YBX1: variants seen among roughly 807,000 people sequenced by gnomAD.
The protein encoded by YBX1 is Y-box binding protein 1.
A neutral mutation model predicts 41.4 loss-of-function variants in YBX1; 3 were observed. That is an observed-to-expected ratio of 0.07 (90% CI 0.03 to 0.19). The LOEUF (loss-of-function observed/expected upper bound fraction) is 0.19. YBX1 is among the 10% of genes least tolerant of loss of function. The probability of loss-of-function intolerance (pLI) is 1.00; values close to 1 mark genes in which losing one functional copy is unlikely to be tolerated. For missense variants in YBX1, 274 were observed against 462.8 expected (o/e 0.59, Z 3.74); for synonymous variants, 133 against 165.8 (o/e 0.80, Z 1.52).
intron 2 of YBX1, 112 bp from the exon 3 acceptor site, chr1:42,693,378 C>A: frequency 7.8e-7 from 1 of 1,277,278 alleles, no homozygotes; most frequent in Non-Finnish European, 1.1e-6. Context: ...TTGATTTTTG[C>A]CAAATTTCCT....
At chr1:42,690,894 T>G (rs529184525) in intron 2 of YBX1, among the ~76,000 whole-genome samples, 74 of 152,326 alleles carry the variant, frequency 4.9e-4, no homozygotes, top group African/African-American at 1.7e-3. Flanking sequence ...GAGCTAGAGC[T>G]TACATTCACT....
At chr1:42,701,083 C>G (rs577581034) in intron 7 of YBX1, 37 bp downstream of exon 7, 2 of 1,507,194 alleles carry the variant, frequency 1.3e-6, no homozygotes, top group African/African-American at 2.8e-5. Context: ...TTATGGCAGT[C>G]GTGAGTGGTG....
chr1:42,697,349 T>G (rs370309786), intron 6 of YBX1, 87 bp downstream of exon 6: 14 of 1,319,228 alleles, frequency 1.1e-5, no homozygotes, highest in East Asian at 2.4e-5. Flanking sequence ...TGCAGACTCA[T>G]TTTTCTGTTA....
At position 42,703,031 on chromosome 1, in the gene YBX1, T is replaced by G. The variant is rs370602278; in HGVS notation, c.*1082T>G. On this transcript the variant is annotated 3_prime_UTR_variant, in exon 8 of 8. Coordinates refer to ENST00000321358, the MANE Select transcript of YBX1 (RefSeq NM_004559.5). ...AACCTCCACCTCTAGGTTTAAGCGA[T>G]TCTCCTGCCTCGGCCACCTTAGTAG... is the stretch of plus-strand genomic sequence containing the variant. 1.2e-3 allele frequency among the ~76,000 whole-genome samples: 177 copies of G among 152,248 alleles called. 2 individuals carry two copies. The highest frequency in any genetic ancestry group is 3.7e-3 in the African/African-American group (153 of 41,540).
intron 3 of YBX1, among the ~76,000 whole-genome samples, chr1:42,695,029 TG>T (rs1650426703): frequency 1.3e-5 from 2 of 152,244 alleles, no homozygotes; most frequent in African/African-American, 4.8e-5. Flanking sequence ...TGGCTATATC[TG>T]AAAGGTATGA....
At chr1:42,688,264 G>T (rs12403594) in intron 2 of YBX1, among the ~76,000 whole-genome samples, 16,789 of 152,118 alleles carry the variant, frequency 0.11, 987 homozygotes, top group East Asian at 0.19. Flanking sequence ...TTGGAAAAAT[G>T]TTTGGAGATT....
At position 42,697,257 on chromosome 1, in the gene YBX1, C is replaced by T. The variant is rs1344500059; in HGVS notation, c.735C>T (p.Phe245=). 6.2e-7 allele frequency: 1 copy of T among 1,613,672 alleles called. No homozygotes were observed. The highest frequency in any genetic ancestry group is 2.2e-5 in the East Asian group (1 of 44,884). The change falls in exon 6 of 8, where the codon TTC becomes TTT. Residue 245 remains phenylalanine (F), a synonymous_variant. Transcript: ENST00000321358. ...QNMYRGYRPR[F]RRGPPRQRQP... ...TGTATCGGGGATATAGACCACGATTCCGCAGGTATGGTCCACGTAAACATG... is the reference window on the plus strand; with the variant it reads ...TGTATCGGGGATATAGACCACGATTTCGCAGGTATGGTCCACGTAAACATG...
chr1:42,701,499 TTAATA>T (rs1460637638), intron 7 of YBX1, among the ~76,000 whole-genome samples: 3 of 152,110 alleles, frequency 2.0e-5, no homozygotes, highest in African/African-American at 4.8e-5. Flanking sequence ...AGTGGCAACA[TTAATA>T]TAATCTTTTA....
intron 2 of YBX1, among the ~76,000 whole-genome samples, chr1:42,693,196 A>C (rs988744508): frequency 2.0e-5 from 3 of 151,944 alleles, no homozygotes; most frequent in Admixed American, 1.3e-4. Flanking sequence ...TAGGATAAGG[A>C]GGGGCAGAAT....
intron 2 of YBX1, among the ~76,000 whole-genome samples, chr1:42,690,936 C>G (rs1650314306): frequency 6.6e-6 from 1 of 152,158 alleles, no homozygotes; most frequent in Non-Finnish European, 1.5e-5. Flanking sequence ...GTGTTAATTT[C>G]CCAGCAAACA....
rs1650477546 is a variant in YBX1, at chr1:42,696,986, T to A, written c.657+42T>A. On this transcript the variant is annotated intron_variant, in intron 5 of 7. Transcript: ENST00000321358. This position sits in a 1 kb window ranked among gnomAD's most constrained non-coding sequence, Gnocchi z 5.7. ...ACAACAGCAATGTGATAAGTTCTGGTAGGACTGTTTAGAGCTGTTAATTAT... is the reference window on the plus strand; with the variant it reads ...ACAACAGCAATGTGATAAGTTCTGGAAGGACTGTTTAGAGCTGTTAATTAT... 1 of 1,517,268 alleles carries A rather than the reference T, an allele frequency of 6.6e-7. No homozygotes were observed. Among genetic ancestry groups the A allele is most frequent in the Non-Finnish European group, 8.8e-7 (1 of 1,133,894 alleles). 94.0% of individuals were successfully genotyped at this position (1,517,268 alleles called of 1,614,324 possible). A position where few individuals can be genotyped will look rare whatever the true frequency, so the allele number is the denominator to read the frequency against.
intron 6 of YBX1, among the ~76,000 whole-genome samples, chr1:42,698,050 C>G (rs1429132340): frequency 6.6e-6 from 1 of 152,190 alleles, no homozygotes; most frequent in African/African-American, 2.4e-5. Flanking sequence ...CTTAACTGAT[C>G]ACTTAAATCG....
chr1:42,684,581 CAG>C (rs1165582375), intron 2 of YBX1, among the ~76,000 whole-genome samples: 4 of 152,176 alleles, frequency 2.6e-5, no homozygotes, highest in Non-Finnish European at 4.4e-5. Context: ...TGGAAACACT[CAG>C]AGTAAGAGAT....
chr1:42,687,501 C>G (rs1272672711), intron 2 of YBX1, among the ~76,000 whole-genome samples: 5 of 152,132 alleles, frequency 3.3e-5, no homozygotes, highest in Non-Finnish European at 7.4e-5. Flanking sequence ...AGGCTGGTCT[C>G]AAGCTCCTGA....
chr1:42,696,716 C>T lies in YBX1; in HGVS notation c.429C>T (p.Asn143=). 3 of 1,613,044 alleles carry T rather than the reference C, an allele frequency of 1.9e-6. No individual in the cohort carries two copies. The East Asian group carries it at 6.7e-5, about 36-fold the overall frequency. The part of the protein sequence containing the change: ...VQGSKYAADR[N]HYRRYPRRRG... ...GCAGTAAATATGCAGCAGACCGTAA[C>T]CATTATAGACGCTATCCACGTCGTA... The change falls in exon 5 of 8, where the codon AAC becomes AAT. Residue 143 remains asparagine (N), a synonymous_variant. Transcript: ENST00000321358. This position sits in a 1 kb window ranked among gnomAD's most constrained non-coding sequence, Gnocchi z 5.7.
chr1:42,682,817 C>T (rs1364263400), intron 1 of YBX1, 86 bp downstream of exon 1: 9 of 940,862 alleles, frequency 9.6e-6, no homozygotes, highest in Non-Finnish European at 1.1e-5. Flanking sequence ...CCGGCGGGCG[C>T]GCGGCCGGTG....
chr1:42,682,672 G>A lies in YBX1; in HGVS notation c.107G>A (p.Ser36Asn), dbSNP rs1650065155. ...KPGTTGSGAG[S>N]GGPGGLTSAA... is the part of the protein sequence containing the mutation. ...GGCACTACGGGCAGCGGCGCAGGGA[G>A]CGGTGGCCCGGGCGGCCTCACATCG... is the stretch of plus-strand genomic sequence containing the variant. The change falls in exon 1 of 8, where the codon AGC becomes AAC. Residue 36 changes from serine to asparagine, a missense_variant. By Grantham distance (46) the Ser-to-Asn change is conservative. Transcript: ENST00000321358. The A allele has an allele frequency of 3.1e-6, 4 of 1,283,584 alleles. No homozygotes were observed. In the Admixed American group the frequency reaches 1.3e-4, roughly 41 times the overall value. The allele number at this position is 1,283,584 out of a possible 1,614,324, so 79.5% of individuals were successfully genotyped here.
intron 2 of YBX1, among the ~76,000 whole-genome samples, chr1:42,689,979 T>G (rs1277905269): frequency 1.3e-5 from 2 of 152,176 alleles, no homozygotes; most frequent in Non-Finnish European, 2.9e-5. Flanking sequence ...AAGTGTTTAG[T>G]GTAGTTTTTC....
chr1:42,697,143 C>T (rs758967664), intron 5 of YBX1, 37 bp from the exon 6 acceptor site: 76 of 1,595,656 alleles, frequency 4.8e-5, no homozygotes, highest in Middle Eastern at 1.7e-4. Flanking sequence ...TATTATATTA[C>T]TGACCCAGTA....
Sources: gnomAD v4.1 joint callset for allele counts (sites outside exome capture counted in the v4.1 genomes callset) on GRCh38, gnomAD v4.1.1 for gene constraint, Gnocchi (gnomAD v3.1) non-coding constraint, MANE v1.5 for transcripts, NCBI Gene and HGNC (gene_info 2026-07-23, HGNC 2026-07-21) for gene names.